The following ZNF382 variants were observed in gnomAD, a reference collection of about 807,000 sequenced individuals.
ZNF382 encodes KRAB/zinc finger suppressor protein 1.
ZNF382 carries 20 observed loss-of-function variants against 38.8 expected under a neutral mutation model. The ratio of observed to expected loss-of-function variants is 0.51; its 90% CI spans 0.36 to 0.75. The LOEUF (loss-of-function observed/expected upper bound fraction) is 0.75, where lower values mean the gene tolerates loss of function less well. Ranked by LOEUF, ZNF382 falls within the 30% of genes least tolerant of loss-of-function variation. ZNF382 has a pLI of 0.00. For missense variants in ZNF382, 546 were observed against 654.1 expected (o/e 0.83, Z 1.80); for synonymous variants, 202 against 223.1 (o/e 0.91, Z 0.84).
rs547222053 is a variant in ZNF382 at position 36,629,322 on chromosome 19, G to C, written c.*1772G>C. On this transcript the variant is annotated 3_prime_UTR_variant, in exon 5 of 5. Transcript: ENST00000292928. The stretch of plus-strand genomic sequence containing the variant: ...CATAATGCTAGGAAGTCTATGTGTA[G>C]GCCCCCTGGTCAACAGCTACAGCTG... The C allele has an allele frequency of 6.6e-6, 1 of 152,104 alleles. No homozygotes were observed. Among genetic ancestry groups the C allele is most frequent in the Admixed American group, 6.6e-5 (1 of 15,258 alleles). 9.4% of individuals were successfully genotyped at this position (152,104 alleles called of 1,614,324 possible). A position where few individuals can be genotyped will look rare whatever the true frequency, so the allele number is the denominator to read the frequency against.
chr19:36,622,620 T>A (rs1181636551), intron 4 of ZNF382, among the ~76,000 whole-genome samples: 1 of 152,198 alleles, frequency 6.6e-6, no homozygotes, highest in Non-Finnish European at 1.5e-5. Flanking sequence ...TGATTGCCCA[T>A]GTGGCTGAGC....
At chr19:36,608,533 A>G (rs1193496053) in intron 2 of ZNF382, 1 of 152,168 alleles carries the variant, frequency 6.6e-6, no homozygotes, top group East Asian at 1.9e-4. Context: ...ACCAACCTTT[A>G]AAATACTGGT....
intron 4 of ZNF382, among the ~76,000 whole-genome samples, chr19:36,613,459 T>C (rs2037095445): frequency 6.6e-6 from 1 of 150,606 alleles, no homozygotes; most frequent in South Asian, 2.1e-4. Context: ...GTTCCGCTCT[T>C]GTTGCCCAGG....
intron 4 of ZNF382, among the ~76,000 whole-genome samples, chr19:36,624,436 C>T (rs2037193958): frequency 6.6e-6 from 1 of 152,162 alleles, no homozygotes. Flanking sequence ...TTATAAATAA[C>T]AATGTTAATC....
Position 36,633,372 on chromosome 19 carries a change from C to T in ZNF382, c.*5822C>T, listed in dbSNP as rs955280524. Reference sequence around the variant, plus strand: ...ACTTTTCAAAACCCTAGATATGTGACAATACCAAGTGCTGACAAGAATGTG... The same window carrying T: ...ACTTTTCAAAACCCTAGATATGTGATAATACCAAGTGCTGACAAGAATGTG... On this transcript the variant is annotated 3_prime_UTR_variant, in exon 5 of 5. Transcript: ENST00000292928. The T allele has an allele frequency of 8.5e-5, 13 of 152,246 alleles. No homozygotes were observed. The highest frequency in any genetic ancestry group is 3.3e-4 in the Admixed American group (5 of 15,274). 9.4% of individuals were successfully genotyped at this position (152,246 alleles called of 1,614,324 possible).
intron 4 of ZNF382, among the ~76,000 whole-genome samples, chr19:36,617,720 G>A (rs2037136424): frequency 3.3e-5 from 5 of 152,100 alleles, no homozygotes; most frequent in South Asian, 2.1e-4. Flanking sequence ...ATTACTGAGT[G>A]GATAGGGTAA....
intron 4 of ZNF382, among the ~76,000 whole-genome samples, chr19:36,614,914 C>CTTTCCTTTCCTTCCCTTTCCCT (rs752527955): frequency 4.2e-4 from 38 of 90,812 alleles, no homozygotes; most frequent in Middle Eastern, 4.9e-3. Flanking sequence ...CTTTCCTTTC[C>CTTTCCTTTCCTTCCCTTTCCCT]TTCCCTTTCC....
At chr19:36,617,506 G>A (rs1416718030) in intron 4 of ZNF382, among the ~76,000 whole-genome samples, 1 of 152,120 alleles carries the variant, frequency 6.6e-6, no homozygotes, top group African/African-American at 2.4e-5. Flanking sequence ...TGGGTGAGAT[G>A]CCAAGGGGTC....
rs1283225084 is a variant in ZNF382, at chr19:36,610,708, G to A, written c.198G>A (p.Trp66Ter). 3 of 1,613,306 alleles carry A rather than the reference G, an allele frequency of 1.9e-6. No homozygotes were observed. Residue 66 changes from tryptophan (W) to a stop codon, truncating the protein, a stop_gained, in exon 4 of 5, where the codon TGG becomes TGA. Transcript: ENST00000292928. LOFTEE classifies it low-confidence loss of function (END_TRUNC). Reference protein sequence around the residue: ...IRKLEQGEELWTQRIFPSYSY... With the variant: ...IRKLEQGEEL ...AGTTGGAACAAGGAGAAGAGCTATGGACACAGAGAATTTTTCCAAGTTACA... is the reference window on the plus strand; with the variant it reads ...AGTTGGAACAAGGAGAAGAGCTATGAACACAGAGAATTTTTCCAAGTTACA...
chr19:36,623,537 C>G (rs2037185957), intron 4 of ZNF382, among the ~76,000 whole-genome samples: 1 of 152,116 alleles, frequency 6.6e-6, no homozygotes, highest in Non-Finnish European at 1.5e-5. Context: ...CTCCTGTAAT[C>G]TCAGCATTTT....
At chr19:36,615,129 G>A (rs2037115894) in intron 4 of ZNF382, among the ~76,000 whole-genome samples, 1 of 151,606 alleles carries the variant, frequency 6.6e-6, no homozygotes, top group African/African-American at 2.4e-5. Flanking sequence ...GGGATGACAG[G>A]TGGGCACCAC....
At chr19:36,605,574 G>A (rs1268284934) in intron 1 of ZNF382, 1 of 152,248 alleles carries the variant, frequency 6.6e-6, no homozygotes, top group African/African-American at 2.4e-5. Flanking sequence ...AGGGTGACCC[G>A]GAGCGAGCTC....
At chr19:36,612,163 AT>A in intron 4 of ZNF382, among the ~76,000 whole-genome samples, 1 of 152,336 alleles carries the variant, frequency 6.6e-6, no homozygotes, top group South Asian at 2.1e-4. Context: ...AGTCCCTCCC[AT>A]TAAGATAATC....
At chr19:36,610,349 C>G (rs973007696) in intron 3 of ZNF382, 6 of 376,682 alleles carry the variant, frequency 1.6e-5, no homozygotes, top group Non-Finnish European at 2.9e-5. Context: ...CCCAGCTACT[C>G]TGGAGGCTGA....
At position 36,629,982 on chromosome 19, in the gene ZNF382, GGTATTGTT is replaced by G. The variant is rs981795608; in HGVS notation, c.*2435_*2442del. 4 of 152,108 alleles carry G rather than the reference GGTATTGTT, an allele frequency of 2.6e-5. No homozygotes were observed. Among genetic ancestry groups the G allele is most frequent in the African/African-American group, 9.7e-5 (4 of 41,422 alleles). 9.4% of individuals were successfully genotyped at this position (152,108 alleles called of 1,614,324 possible). A position where few individuals can be genotyped will look rare whatever the true frequency, so the allele number is the denominator to read the frequency against. Reference sequence around the variant, plus strand: ...ATGGATTCTAGAGTCAATGAGCAAAGGTATTGTTGTTACTAATAGGTGATTTTGGCATG... The same window carrying G: ...ATGGATTCTAGAGTCAATGAGCAAAGGTTACTAATAGGTGATTTTGGCATG... On this transcript the variant is annotated 3_prime_UTR_variant, in exon 5 of 5. Transcript: ENST00000292928.
chr19:36,609,046 A>G (rs2037056589), intron 2 of ZNF382: 1 of 152,182 alleles, frequency 6.6e-6, no homozygotes, highest in Admixed American at 6.5e-5. Context: ...CAGGAGTATT[A>G]CCTCAAAACT....
chr19:36,614,071 G>T (rs551909390), intron 4 of ZNF382, among the ~76,000 whole-genome samples: 1 of 152,258 alleles, frequency 6.6e-6, no homozygotes, highest in South Asian at 2.1e-4. Context: ...CAGGCATGGT[G>T]GCTCATGCCT....
intron 4 of ZNF382, among the ~76,000 whole-genome samples, chr19:36,619,081 C>G (rs2037148400): frequency 6.6e-6 from 1 of 152,126 alleles, no homozygotes; most frequent in Admixed American, 6.6e-5. Flanking sequence ...CAGCAGTTCT[C>G]AAACTTTCTA....
At chr19:36,608,281 T>A (rs567057398) in intron 2 of ZNF382, 3 of 152,222 alleles carry the variant, frequency 2.0e-5, no homozygotes, top group Non-Finnish European at 1.5e-5. Context: ...TCCTCTCTGA[T>A]CTTTTTTCAT....
Sources: allele counts gnomAD v4.1 joint callset (sites outside exome capture counted in the v4.1 genomes callset), GRCh38; gene constraint gnomAD v4.1.1; transcripts MANE v1.5; gene names NCBI Gene and HGNC (gene_info 2026-07-23, HGNC 2026-07-21).